The following SCD5 variants were observed in gnomAD, a reference collection of about 807,000 sequenced individuals.
SCD5 encodes the protein acyl-CoA-desaturase 4.
A neutral mutation model predicts 30.4 loss-of-function variants in SCD5; 20 were observed. The observed-to-expected ratio is 0.66, with a 90% CI of 0.46 to 0.96. SCD5 has a LOEUF of 0.96. Ranked by LOEUF, SCD5 falls within the 40% of genes least tolerant of loss-of-function variation. SCD5 has a pLI of 0.00. For synonymous variants in SCD5, 173 were observed against 176.4 expected, an observed-to-expected ratio of 0.98 and a Z score of 0.16; for missense variants, 381 against 443.3, an observed-to-expected ratio of 0.86 and a Z score of 1.26.
intron 1 of SCD5, among the ~76,000 whole-genome samples, chr4:82,773,203 G>T (rs543087900): frequency 6.6e-6 from 1 of 152,184 alleles, no homozygotes; most frequent in Non-Finnish European, 1.5e-5. Flanking sequence ...TCCCTGCCTG[G>T]GTCCTCAGTG....
intron 3 of SCD5, among the ~76,000 whole-genome samples, chr4:82,664,602 G>C (rs944029568): frequency 6.6e-6 from 1 of 152,044 alleles, no homozygotes; most frequent in East Asian, 1.9e-4. Flanking sequence ...TGAACAGATG[G>C]GAGATTTTAT....
At chr4:82,742,047 T>C (rs1720885744) in intron 1 of SCD5, among the ~76,000 whole-genome samples, 2 of 145,430 alleles carry the variant, frequency 1.4e-5, no homozygotes, top group South Asian at 2.2e-4. Flanking sequence ...ACCACTGCAC[T>C]CCAGCCTGGA....
chr4:82,661,103 G>A (rs2148816837), intron 3 of SCD5: 1 of 1,605,852 alleles, frequency 6.2e-7, no homozygotes, highest in Middle Eastern at 2.1e-4. Flanking sequence ...GAAAATGACT[G>A]AGAGTTCCAC....
chr4:82,676,472 T>C (rs184640083), intron 3 of SCD5, among the ~76,000 whole-genome samples: 184 of 152,312 alleles, frequency 1.2e-3, no homozygotes, highest in Admixed American at 2.9e-3. Context: ...CTCTGTCCCA[T>C]TAGGTGGATA....
In SCD5 at chr4:82,649,305, C is replaced by T. The variant is rs541839708; in HGVS notation, c.570-12482G>A. Among the ~76,000 whole-genome samples, 117 of 152,004 alleles carry T rather than the reference C, an allele frequency of 7.7e-4. 1 individual carries two copies. Among genetic ancestry groups the T allele is most frequent in the African/African-American group, 2.8e-3 (114 of 41,442 alleles). On this transcript the variant is annotated intron_variant, in intron 3 of 4. Coordinates refer to ENST00000319540, the MANE Select transcript of SCD5 (RefSeq NM_001037582.3). Reference sequence around the variant, plus strand: ...ACATTTCAGGTATGCTTAGTGAGCACCTGACAAGCTAATCAGTTCACGTAC... The same window carrying T: ...ACATTTCAGGTATGCTTAGTGAGCATCTGACAAGCTAATCAGTTCACGTAC...
At chr4:82,753,522 T>C in intron 1 of SCD5, 1 of 445,878 alleles carries the variant, frequency 2.2e-6, no homozygotes, top group African/African-American at 2.0e-5. Context: ...GTGTGGCTCT[T>C]TGTGGGCTGA....
At position 82,680,698 on chromosome 4, in the gene SCD5, T is replaced by C. The variant is rs777047784; in HGVS notation, c.569+9A>G. On this transcript the variant is annotated intron_variant, in intron 3 of 4. Transcript: ENST00000319540. ...GAGGGACAGCTCTCCGTCATGCCCA[T>C]TCACTTACTTTCTCTGGATCCGGAC... 6.2e-6 allele frequency: 10 copies of C among 1,614,004 alleles called. No individual in the cohort carries two copies. The South Asian group carries it at 9.9e-5, about 16-fold the overall frequency.
At chr4:82,756,082 C>T (rs35771823) in intron 1 of SCD5, among the ~76,000 whole-genome samples, 1 of 152,216 alleles carries the variant, frequency 6.6e-6, no homozygotes. Flanking sequence ...AGGGCACAGC[C>T]TGAGATGCCT....
chr4:82,706,358 C>A (rs933135095), intron 1 of SCD5, among the ~76,000 whole-genome samples: 1 of 152,254 alleles, frequency 6.6e-6, no homozygotes. Context: ...CTCTAATCCA[C>A]ATTTCCCAGT....
intron 1 of SCD5, among the ~76,000 whole-genome samples, chr4:82,769,267 G>A (rs1344139752): frequency 6.6e-6 from 1 of 152,128 alleles, no homozygotes; most frequent in Non-Finnish European, 1.5e-5. Flanking sequence ...ACTATAAAGT[G>A]GGGCTAGAGG....
At chr4:82,783,980 G>A (rs1331514215) in intron 1 of SCD5, among the ~76,000 whole-genome samples, 1 of 151,882 alleles carries the variant, frequency 6.6e-6, no homozygotes, top group Non-Finnish European at 1.5e-5. Context: ...TTCTTAAATG[G>A]TTCAGAAAAA....
At chr4:82,661,946 C>T (rs1303869464) in intron 3 of SCD5, among the ~76,000 whole-genome samples, 9 of 152,158 alleles carry the variant, frequency 5.9e-5, no homozygotes, top group Non-Finnish European at 7.3e-5. Flanking sequence ...TGGACAGGGA[C>T]GTGGGGACGT....
At chr4:82,701,932 T>C (rs1406180630) in intron 2 of SCD5, among the ~76,000 whole-genome samples, 1 of 152,096 alleles carries the variant, frequency 6.6e-6, no homozygotes, top group East Asian at 1.9e-4. Context: ...CAGGCATCTC[T>C]CACCTGGGTC....
At chr4:82,677,335 T>C (rs2148820415) in intron 3 of SCD5, among the ~76,000 whole-genome samples, 1 of 152,314 alleles carries the variant, frequency 6.6e-6, no homozygotes, top group South Asian at 2.1e-4. Context: ...GCCACTGAAA[T>C]GACCCAAGTC....
chr4:82,633,627 C>T (rs1459041033), intron 4 of SCD5, among the ~76,000 whole-genome samples: 1 of 152,200 alleles, frequency 6.6e-6, no homozygotes, highest in African/African-American at 2.4e-5. Context: ...CCTTTTTTCA[C>T]ATCCTCACCA....
At chr4:82,712,299 T>TATACATATATATATATATATACG (rs1560540883) in intron 1 of SCD5, among the ~76,000 whole-genome samples, 3 of 32,030 alleles carry the variant, frequency 9.4e-5, no homozygotes, top group South Asian at 1.2e-3. Flanking sequence ...TATATATATT[T>TATACATATATATATATATATACG]TATTTTTATT....
At position 82,631,149 on chromosome 4, in the gene SCD5, C is replaced by A; in HGVS notation, c.*178G>T. On this transcript the variant is annotated 3_prime_UTR_variant, in exon 5 of 5. Transcript: ENST00000319540. Reference sequence around the variant, plus strand: ...ACAAAAAAAAAAACGAAAGTTTTTTCATTGATAATTGTATTTCAACATTAT... The same window carrying A: ...ACAAAAAAAAAAACGAAAGTTTTTTAATTGATAATTGTATTTCAACATTAT... The A allele has an allele frequency of 2.0e-6, 1 of 505,992 alleles. No individual in the cohort carries two copies. The allele number at this position is 505,992 out of a possible 1,614,324, so 31.3% of individuals were successfully genotyped here. A position where few individuals can be genotyped will look rare whatever the true frequency, so the allele number is the denominator to read the frequency against.
chr4:82,743,988 G>A (rs374159850), intron 1 of SCD5, among the ~76,000 whole-genome samples: 8 of 152,032 alleles, frequency 5.3e-5, no homozygotes, highest in Admixed American at 2.6e-4. Context: ...ACCACACCTG[G>A]ATAATTTTTC....
At chr4:82,635,156 C>T (rs1037107359) in intron 4 of SCD5, among the ~76,000 whole-genome samples, 5 of 152,206 alleles carry the variant, frequency 3.3e-5, no homozygotes, top group African/African-American at 1.2e-4. Flanking sequence ...GTTGCTTCTA[C>T]AAAGGTAGAG....
Sources: gnomAD v4.1 joint callset for allele counts (sites outside exome capture counted in the v4.1 genomes callset) on GRCh38, gnomAD v4.1.1 for gene constraint, MANE v1.5 for transcripts, NCBI Gene and HGNC (gene_info 2026-07-23, HGNC 2026-07-21) for gene names.